DNAI7: variants seen among roughly 807,000 people sequenced by gnomAD.
DNAI7 encodes dynein axonemal intermediate chain 7.
In DNAI7, 78 loss-of-function variants were observed where a neutral mutation model predicts 86.6. The ratio of observed to expected loss-of-function variants is 0.90; its 90% CI spans 0.75 to 1.09. DNAI7 has a LOEUF of 1.09. DNAI7 is among the 50% of genes least tolerant of loss of function. The probability of loss-of-function intolerance (pLI) is 0.00; values close to 1 mark genes in which losing one functional copy is unlikely to be tolerated. For missense variants in DNAI7, 753 were observed against 810.2 expected (o/e 0.93, Z 0.86); for synonymous variants, 274 against 273.0 (o/e 1.00, Z -0.04).
intron 2 of DNAI7, among the ~76,000 whole-genome samples, chr12:25,173,837 CAT>C (rs34904955): frequency 0.22 from 31,916 of 147,926 alleles, 4,035 homozygotes; most frequent in African/African-American, 0.34. Context: ...TATACCACAT[CAT>C]ATATATATAC....
chr12:25,160,541 T>C (rs1177031281), intron 3 of DNAI7, among the ~76,000 whole-genome samples: 1 of 152,178 alleles, frequency 6.6e-6, no homozygotes, highest in South Asian at 2.1e-4. Flanking sequence ...CGTCATTCTC[T>C]TTAAATTAGC....
downstream of DNAI7, chr12:25,108,282 T>C: frequency 1.8e-6 from 1 of 557,170 alleles, no homozygotes; most frequent in Non-Finnish European, 3.1e-6. Context: ...AAGGAAGAAA[T>C]ATTATATATT....
At chr12:25,127,270 A>G (rs1008776346) in intron 9 of DNAI7, among the ~76,000 whole-genome samples, 3 of 152,156 alleles carry the variant, frequency 2.0e-5, no homozygotes, top group Admixed American at 2.0e-4. Flanking sequence ...CAATACAGGT[A>G]TAATGTATAA....
chr12:25,131,985 TGAG>T (rs1942984952), intron 9 of DNAI7, among the ~76,000 whole-genome samples: 1 of 152,024 alleles, frequency 6.6e-6, no homozygotes. Context: ...TGATTTAATC[TGAG>T]GAGACGGAGG....
At chr12:25,191,139 C>T (rs1482965999) in intron 1 of DNAI7, among the ~76,000 whole-genome samples, 2 of 152,194 alleles carry the variant, frequency 1.3e-5, no homozygotes, top group Non-Finnish European at 2.9e-5. Context: ...AAAGTAGCCT[C>T]ACACGGTGGC....
At chr12:25,160,422 A>C (rs1401727710) in intron 3 of DNAI7, among the ~76,000 whole-genome samples, 1 of 152,188 alleles carries the variant, frequency 6.6e-6, no homozygotes, top group African/African-American at 2.4e-5. Context: ...ACCCTGACTC[A>C]TTCTGATCAC....
chr12:25,134,348 C>A (rs4492902), intron 9 of DNAI7, among the ~76,000 whole-genome samples: 1 of 106,950 alleles, frequency 9.4e-6, no homozygotes, highest in Non-Finnish European at 1.8e-5. Context: ...TTTTCCTTGG[C>A]GTACTTTTTT....
chr12:25,130,520 G>C (rs1479384406), intron 9 of DNAI7, among the ~76,000 whole-genome samples: 1 of 149,600 alleles, frequency 6.7e-6, no homozygotes, highest in South Asian at 2.1e-4. Context: ...CTGGGCGAAA[G>C]AGCGAGACTC....
At chr12:25,175,085 C>G (rs897266098) in intron 2 of DNAI7, among the ~76,000 whole-genome samples, 14 of 151,874 alleles carry the variant, frequency 9.2e-5, no homozygotes, top group African/African-American at 2.7e-4. Context: ...TAACCAAATA[C>G]CACCTGTACC....
intron 2 of DNAI7, among the ~76,000 whole-genome samples, chr12:25,182,702 C>T (rs1019583545): frequency 1.3e-5 from 2 of 151,350 alleles, no homozygotes; most frequent in African/African-American, 4.9e-5. Context: ...GTAAGAGGAT[C>T]ACCTGAGCCC....
chr12:25,114,975 A>G, intron 12 of DNAI7, 105 bp from the exon 13 acceptor site: 2 of 814,348 alleles, frequency 2.5e-6, no homozygotes, highest in Non-Finnish European at 3.8e-6. Context: ...TTGATCTTTC[A>G]TATTTAGAAT....
rs1449228981 is a variant in DNAI7 at position 25,121,771 on chromosome 12, C to T, written c.1221G>A (p.Lys407=). 4 of 1,600,196 alleles carry T rather than the reference C, an allele frequency of 2.5e-6. No homozygotes were observed. Among genetic ancestry groups the T allele is most frequent in the African/African-American group, 2.7e-5 (2 of 74,186 alleles). The change falls in exon 11 of 16, where the codon AAG becomes AAA. Residue 407 remains lysine (K), a synonymous_variant. Coordinates refer to ENST00000395987, the MANE Select transcript of DNAI7 (RefSeq NM_018272.5). ...LELPPQCKPV[K]GWMIVEILKE... is the part of the protein sequence containing the mutation. Reference sequence around the variant, plus strand: ...AACCTACTTCCACAATCATCCATCCCTTCACTGGTTTACACTGTGGAGGAA... The same window carrying T: ...AACCTACTTCCACAATCATCCATCCTTTCACTGGTTTACACTGTGGAGGAA...
At chr12:25,135,495 G>C (rs112729183) in intron 9 of DNAI7, among the ~76,000 whole-genome samples, 1 of 152,126 alleles carries the variant, frequency 6.6e-6, no homozygotes, top group South Asian at 2.1e-4. Context: ...GGGATGGGGG[G>C]CGGTGGGAAA....
At chr12:25,187,438 C>G (rs1950132678) in intron 2 of DNAI7, among the ~76,000 whole-genome samples, 1 of 152,152 alleles carries the variant, frequency 6.6e-6, no homozygotes, top group Non-Finnish European at 1.5e-5. Context: ...TAAAAGCTAC[C>G]TGAAATTATA....
chr12:25,190,163 C>T (rs1023141664), intron 2 of DNAI7, among the ~76,000 whole-genome samples: 5 of 152,046 alleles, frequency 3.3e-5, no homozygotes, highest in East Asian at 1.9e-4. Flanking sequence ...GTTTATTGAA[C>T]TCAAATTTCT....
At chr12:25,166,209 C>T (rs1225515545) in intron 2 of DNAI7, among the ~76,000 whole-genome samples, 1 of 152,130 alleles carries the variant, frequency 6.6e-6, no homozygotes, top group Non-Finnish European at 1.5e-5. Flanking sequence ...CCTTTTAAAG[C>T]CTATAAACTC....
At chr12:25,122,357 T>C (rs1941437780) in intron 10 of DNAI7, among the ~76,000 whole-genome samples, 1 of 147,434 alleles carries the variant, frequency 6.8e-6, no homozygotes, top group South Asian at 2.1e-4. Context: ...CTCAGCAGGC[T>C]GAGGTAGGAG....
chr12:25,147,479 A>T (rs12371080), intron 7 of DNAI7, among the ~76,000 whole-genome samples: 6 of 150,442 alleles, frequency 4.0e-5, no homozygotes, highest in African/African-American at 7.3e-5. Flanking sequence ...TAATGAGACC[A>T]CCCCCATCTC....
chr12:25,194,883 T>A (rs1565868293), intron 1 of DNAI7, 193 bp downstream of exon 1: 3 of 1,614,064 alleles, frequency 1.9e-6, no homozygotes, highest in Non-Finnish European at 2.5e-6. Flanking sequence ...TTGGGACTCC[T>A]ACCTGTCCGC....
Sources: allele counts gnomAD v4.1 joint callset (sites outside exome capture counted in the v4.1 genomes callset), GRCh38; gene constraint gnomAD v4.1.1; transcripts MANE v1.5; gene names NCBI Gene and HGNC (gene_info 2026-07-23, HGNC 2026-07-21).